The following PIK3C2G variants were observed in gnomAD, a reference collection of about 807,000 sequenced individuals.
PIK3C2G encodes the protein phosphatidylinositol-4-phosphate 3-kinase catalytic subunit type 2 gamma, also known as phosphatidylinositol 3-kinase C2 domain-containing subunit gamma.
In PIK3C2G, 168 loss-of-function variants were observed where a neutral mutation model predicts 181.1. That is an observed-to-expected ratio of 0.93 (90% CI 0.82 to 1.05). The LOEUF (loss-of-function observed/expected upper bound fraction) is 1.05, where lower values mean the gene tolerates loss of function less well. PIK3C2G is among the 50% of genes least tolerant of loss of function. PIK3C2G has a pLI of 0.00. For missense variants in PIK3C2G, 1,869 were observed against 1,732.8 expected (o/e 1.08, Z -1.40); for synonymous variants, 573 against 592.2 (o/e 0.97, Z 0.47).
chr12:18,546,853 CTACTTT>C (rs1284070701), intron 26 of PIK3C2G, among the ~76,000 whole-genome samples: 3 of 152,002 alleles, frequency 2.0e-5, no homozygotes. Flanking sequence ...TGACTCTCTT[CTACTTT>C]TAATCTATTT....
intron 11 of PIK3C2G, among the ~76,000 whole-genome samples, chr12:18,355,169 G>C (rs1026801017): frequency 1.3e-5 from 2 of 152,168 alleles, no homozygotes; most frequent in African/African-American, 4.8e-5. Flanking sequence ...CCTCAGATCT[G>C]GTTTTCCTTC....
chr12:18,400,523 C>T (rs1232552774), intron 16 of PIK3C2G, among the ~76,000 whole-genome samples: 1 of 152,128 alleles, frequency 6.6e-6, no homozygotes, highest in Non-Finnish European at 1.5e-5. Flanking sequence ...TCTGCAATCT[C>T]TTGAGCCAGG....
intron 28 of PIK3C2G, among the ~76,000 whole-genome samples, chr12:18,565,895 C>A (rs1179044286): frequency 6.6e-6 from 1 of 152,110 alleles, no homozygotes; most frequent in African/African-American, 2.4e-5. Flanking sequence ...AAATTCATTT[C>A]TCCCAAAAAA....
rs1314023344 is a variant in PIK3C2G, at chr12:18,371,230, C to T, written c.1799C>T (p.Thr600Ile). ...TCACTTCCAAGGGAATCCATGCTCA[C>T]TGTAAAACTGTTTGGGATTGCCTGT... ...IKSLPRESMLTVKLFGIACAT... is the reference protein window; with the variant it reads ...IKSLPRESMLIVKLFGIACAT... The change falls in exon 13 of 33, where the codon ACT becomes ATT. Residue 600 changes from threonine (T) to isoleucine (I), a missense_variant. Coordinates refer to ENST00000538779, the MANE Select transcript of PIK3C2G (RefSeq NM_001288772.2). 3.1e-6 allele frequency: 5 copies of T among 1,612,186 alleles called. No individual in the cohort carries two copies. In the Admixed American group the frequency reaches 5.0e-5, roughly 16 times the overall value.
the PIK3C2G span, among the ~76,000 whole-genome samples, chr12:18,691,380 G>C: frequency 6.6e-6 from 1 of 152,224 alleles, no homozygotes; most frequent in South Asian, 2.1e-4. Flanking sequence ...TATGCCTTTA[G>C]ATTCCCAAAA....
chr12:18,445,934 G>A (rs182467350), intron 18 of PIK3C2G, among the ~76,000 whole-genome samples: 3 of 152,200 alleles, frequency 2.0e-5, no homozygotes, highest in South Asian at 4.1e-4. Flanking sequence ...TTTTAACGAG[G>A]GGAAAATGGG....
At chr12:18,330,304 G>C (rs190560758) in intron 8 of PIK3C2G, among the ~76,000 whole-genome samples, 2 of 152,182 alleles carry the variant, frequency 1.3e-5, no homozygotes, top group South Asian at 4.1e-4. Flanking sequence ...GCCCAACTGC[G>C]TCTTTACAGT....
At chr12:18,426,012 C>T (rs576146082) in intron 18 of PIK3C2G, among the ~76,000 whole-genome samples, 15 of 152,226 alleles carry the variant, frequency 9.9e-5, no homozygotes, top group African/African-American at 3.6e-4. Context: ...GTCATCAAGA[C>T]CTTGACTTTG....
chr12:18,488,510 G>A lies in PIK3C2G; in HGVS notation c.2566G>A (p.Ala856Thr). 6.4e-7 allele frequency: 1 copy of A among 1,569,504 alleles called. No individual in the cohort carries two copies. Among genetic ancestry groups the A allele is most frequent in the Admixed American group, 1.8e-5 (1 of 54,182 alleles). The change falls in exon 19 of 33, where the codon GCT becomes ACT. Residue 856 changes from alanine (A) to threonine (T), a missense_variant. Transcript: ENST00000538779. ...AAGCTGGTATCAGAAGCTACTAGCT[G>A]CTCTCCAATTCTGTGCAGGTAAAGC... ...FKSWYQKLLA[A>T]LQFCAGKALN...
the PIK3C2G span, chr12:18,715,012 G>T: frequency 6.6e-6 from 1 of 151,960 alleles, no homozygotes; most frequent in South Asian, 2.1e-4. Context: ...GAATCTTTTA[G>T]ATTTAGTTCT....
chr12:18,319,816 G>A (rs1329986297), intron 6 of PIK3C2G, among the ~76,000 whole-genome samples: 4 of 151,626 alleles, frequency 2.6e-5, no homozygotes, highest in Admixed American at 2.6e-4. Context: ...AGCTTTCTCT[G>A]TCGCAGAAAA....
At chr12:18,412,375 A>T (rs1334281925) in intron 16 of PIK3C2G, among the ~76,000 whole-genome samples, 1 of 152,152 alleles carries the variant, frequency 6.6e-6, no homozygotes, top group Non-Finnish European at 1.5e-5. Context: ...AATAATTCTA[A>T]GATGCTATTT....
chr12:18,425,540 C>T (rs755159808), intron 18 of PIK3C2G, among the ~76,000 whole-genome samples: 3 of 151,704 alleles, frequency 2.0e-5, no homozygotes, highest in Non-Finnish European at 4.4e-5. Context: ...TACAGGCACA[C>T]ACCACCACGC....
At chr12:18,403,553 CA>C (rs1203969168) in intron 16 of PIK3C2G, among the ~76,000 whole-genome samples, 1 of 152,148 alleles carries the variant, frequency 6.6e-6, no homozygotes, top group African/African-American at 2.4e-5. Context: ...CTCCTTTGAA[CA>C]ATCTATTTTT....
At chr12:18,650,702 GTGTATATATC>G (rs1950443192), downstream of PIK3C2G, among the ~76,000 whole-genome samples, 32 of 27,668 alleles carry the variant, frequency 1.2e-3, no homozygotes, top group East Asian at 3.2e-3. Flanking sequence ...GTGTGTGTGT[GTGTATATATC>G]TATATATATA....
At chr12:18,645,011 A>C (rs1486275346) in intron 32 of PIK3C2G, among the ~76,000 whole-genome samples, 7 of 152,182 alleles carry the variant, frequency 4.6e-5, no homozygotes, top group Non-Finnish European at 1.0e-4. Context: ...TAATTACCTT[A>C]AGTGTTTTCT....
intron 1 of PIK3C2G, among the ~76,000 whole-genome samples, chr12:18,264,906 A>G (rs1447367366): frequency 6.6e-6 from 1 of 152,184 alleles, no homozygotes; most frequent in African/African-American, 2.4e-5. Context: ...TACCAGACTA[A>G]TAACCCACTG....
chr12:18,579,553 C>G (rs11044202), intron 29 of PIK3C2G, among the ~76,000 whole-genome samples: 14,450 of 152,018 alleles, frequency 0.095, 858 homozygotes, highest in Non-Finnish European at 0.14. Flanking sequence ...CTGTCTGTCT[C>G]TCTCTCTCTC....
chr12:18,281,350 G>A (rs1387333833), intron 1 of PIK3C2G, among the ~76,000 whole-genome samples: 1 of 148,464 alleles, frequency 6.7e-6, no homozygotes, highest in Non-Finnish European at 1.5e-5. Context: ...GAAAGCCAAA[G>A]TGAGAAAGCA....
Sources: gnomAD v4.1 joint callset for allele counts (sites outside exome capture counted in the v4.1 genomes callset) on GRCh38, gnomAD v4.1.1 for gene constraint, MANE v1.5 for transcripts, NCBI Gene and HGNC (gene_info 2026-07-23, HGNC 2026-07-21) for gene names.